KCNH8: variants seen among roughly 807,000 people sequenced by gnomAD.
KCNH8 encodes the protein voltage-gated delayed rectifier potassium channel KCNH8.
Under a neutral mutation model 103.6 loss-of-function variants are expected in KCNH8, and 70 were observed. That is an observed-to-expected ratio of 0.68 (90% CI 0.56 to 0.82). The LOEUF is 0.82. KCNH8 is among the 40% of genes least tolerant of loss of function. KCNH8 has a pLI of 0.00. For missense variants in KCNH8, 1,217 were observed against 1,329.9 expected (o/e 0.92, Z 1.32); for synonymous variants, 498 against 489.4 (o/e 1.02, Z -0.23).
chr3:19,485,499 A>C lies in KCNH8; in HGVS notation c.2041-24864A>C, dbSNP rs375041499. ...GAAGTACTGGCCTAACAACTTTTTA[A>C]GTGACTCTTGACCTTAGATGAGTAG... On this transcript the variant is annotated intron_variant, in intron 11 of 15. Transcript: ENST00000328405. Among the ~76,000 whole-genome samples the C allele has an allele frequency of 1.1e-4, 17 of 152,328 alleles. No individual in the cohort carries two copies. The South Asian group carries it at 1.2e-3, about 11-fold the overall frequency.
At chr3:19,262,856 A>G (rs1031873453) in intron 2 of KCNH8, among the ~76,000 whole-genome samples, 1 of 152,088 alleles carries the variant, frequency 6.6e-6, no homozygotes, top group Non-Finnish European at 1.5e-5. Context: ...AGATTGAGTG[A>G]GACCTGGGGA....
chr3:19,331,468 T>C (rs1191465580), intron 3 of KCNH8, among the ~76,000 whole-genome samples: 2 of 151,896 alleles, frequency 1.3e-5, no homozygotes, highest in African/African-American at 4.8e-5. Context: ...ATTTTTTGTA[T>C]TTTTAGTAGA....
chr3:19,319,454 T>C (rs1003439581), intron 3 of KCNH8, among the ~76,000 whole-genome samples: 2 of 152,066 alleles, frequency 1.3e-5, no homozygotes, highest in African/African-American at 4.8e-5. Context: ...TTGTTTGTTT[T>C]GTTGAAGATC....
intron 7 of KCNH8, among the ~76,000 whole-genome samples, chr3:19,402,166 T>C (rs1342812994): frequency 1.3e-5 from 2 of 151,994 alleles, no homozygotes; most frequent in Non-Finnish European, 2.9e-5. Context: ...GATTAAACTT[T>C]ATTTAAAAGA....
chr3:19,333,762 AC>A (rs2065543811), intron 3 of KCNH8, among the ~76,000 whole-genome samples: 1 of 152,212 alleles, frequency 6.6e-6, no homozygotes, highest in African/African-American at 2.4e-5. Flanking sequence ...TCTTTCCTTA[AC>A]AAATTTGGAC....
intron 5 of KCNH8, among the ~76,000 whole-genome samples, chr3:19,364,856 A>G (rs2065991438): frequency 6.6e-6 from 1 of 152,182 alleles, no homozygotes; most frequent in Non-Finnish European, 1.5e-5. Flanking sequence ...TAGGCTTTTC[A>G]GAATTCACTA....
At chr3:19,517,410 C>T (rs753518548) in intron 14 of KCNH8, among the ~76,000 whole-genome samples, 3 of 152,006 alleles carry the variant, frequency 2.0e-5, no homozygotes, top group Non-Finnish European at 2.9e-5. Flanking sequence ...CTGGCACTGA[C>T]TCACCTGTAC....
chr3:19,505,742 T>A (rs565066819), intron 11 of KCNH8, among the ~76,000 whole-genome samples: 2 of 152,320 alleles, frequency 1.3e-5, no homozygotes, highest in African/African-American at 4.8e-5. Flanking sequence ...ATGGATGATA[T>A]TCTGAGATAT....
At chr3:19,291,260 C>T (rs1249777603) in intron 3 of KCNH8, among the ~76,000 whole-genome samples, 10 of 152,140 alleles carry the variant, frequency 6.6e-5, no homozygotes, top group Middle Eastern at 3.4e-3. Context: ...CTACTCTGAT[C>T]TTAGTTATTT....
chr3:19,402,410 C>T (rs1252581571), intron 7 of KCNH8, among the ~76,000 whole-genome samples: 2 of 151,762 alleles, frequency 1.3e-5, no homozygotes, highest in South Asian at 2.1e-4. Context: ...CAAGATTATT[C>T]TCGCTACAAA....
At chr3:19,531,908 A>C (rs1428803932) in intron 15 of KCNH8, among the ~76,000 whole-genome samples, 1 of 152,232 alleles carries the variant, frequency 6.6e-6, no homozygotes, top group African/African-American at 2.4e-5. Flanking sequence ...CGATAGTAAA[A>C]TAAAGTCATA....
At chr3:19,473,610 T>TA (rs2067908456) in intron 11 of KCNH8, among the ~76,000 whole-genome samples, 1 of 152,212 alleles carries the variant, frequency 6.6e-6, no homozygotes, top group African/African-American at 2.4e-5. Flanking sequence ...ATTTCAAATG[T>TA]AAAAAACAGT....
At chr3:19,499,998 T>C (rs571248943) in intron 11 of KCNH8, among the ~76,000 whole-genome samples, 356 of 152,164 alleles carry the variant, frequency 2.3e-3, no homozygotes, top group Non-Finnish European at 3.5e-3. Context: ...GACTGGCAAA[T>C]TGGATGAAGA....
Position 19,451,353 on chromosome 3 carries a change from T to C in KCNH8, c.1774T>C (p.Cys592Arg). 1.2e-6 allele frequency: 2 copies of C among 1,613,876 alleles called. No homozygotes were observed. The highest frequency in any genetic ancestry group is 1.7e-6 in the Non-Finnish European group (2 of 1,179,846). Reference protein sequence around the residue: ...GDALQAIYFVCSGSMEVLKDS... With the variant: ...GDALQAIYFVRSGSMEVLKDS... ...TGCTTTGCAGGCCATCTACTTTGTA[T>C]GCTCGGGCTCCATGGAAGTTCTTAA... The change falls in exon 10 of 16, where the codon TGC becomes CGC. Residue 592 changes from cysteine to arginine, a missense_variant. By Grantham distance (180) the Cys-to-Arg change is radical. Around this residue, in one of 3 missense-constraint regions of KCNH8, gnomAD observed 415 missense variants for 577.4 expected, o/e 0.72. Coordinates refer to ENST00000328405, the MANE Select transcript of KCNH8 (RefSeq NM_144633.3).
intron 3 of KCNH8, among the ~76,000 whole-genome samples, chr3:19,283,068 T>C (rs570443219): frequency 6.6e-6 from 1 of 152,142 alleles, no homozygotes; most frequent in Middle Eastern, 3.4e-3. Context: ...GACAAAGGGG[T>C]CATCCTATAC....
intron 15 of KCNH8, among the ~76,000 whole-genome samples, chr3:19,526,757 G>T (rs2069071975): frequency 6.6e-6 from 1 of 151,956 alleles, no homozygotes; most frequent in African/African-American, 2.4e-5. Flanking sequence ...ACCTGCTAGA[G>T]ATATACTGAC....
At chr3:19,170,417 C>G (rs978969988) in intron 1 of KCNH8, among the ~76,000 whole-genome samples, 6 of 151,720 alleles carry the variant, frequency 4.0e-5, no homozygotes, top group Admixed American at 6.6e-5. Flanking sequence ...GTAATAGGGT[C>G]TCAAGCTTAC....
chr3:19,335,899 G>A (rs1437211696), intron 3 of KCNH8, among the ~76,000 whole-genome samples: 3 of 151,644 alleles, frequency 2.0e-5, no homozygotes, highest in Admixed American at 6.6e-5. Flanking sequence ...AATATTATTT[G>A]TGTTGGTCTT....
intron 11 of KCNH8, among the ~76,000 whole-genome samples, chr3:19,504,754 G>T (rs946270146): frequency 6.6e-6 from 1 of 152,050 alleles, no homozygotes; most frequent in Non-Finnish European, 1.5e-5. Flanking sequence ...AACTGTTGTG[G>T]AAAGCAGTGT....
Sources: gnomAD v4.1 joint callset for allele counts (sites outside exome capture counted in the v4.1 genomes callset) on GRCh38, gnomAD v4.1.1 for gene constraint, gnomAD v4.1.1 regional missense constraint, MANE v1.5 for transcripts, NCBI Gene and HGNC (gene_info 2026-07-23, HGNC 2026-07-21) for gene names.